The following PRKG1 variants were observed in gnomAD, a reference collection of about 807,000 sequenced individuals.
The protein encoded by PRKG1 is cGMP-dependent protein kinase 1.
PRKG1 carries 35 observed loss-of-function variants against 88.1 expected under a neutral mutation model. That is an observed-to-expected ratio of 0.40 (90% CI 0.30 to 0.53). The LOEUF is 0.53. PRKG1 is among the 20% of genes least tolerant of loss of function. The pLI, the probability that PRKG1 is intolerant of heterozygous loss-of-function variation, is 0.59. For missense variants in PRKG1, 540 were observed against 839.8 expected (o/e 0.64, Z 4.41); for synonymous variants, 303 against 292.5 (o/e 1.04, Z -0.37).
intron 2 of PRKG1, among the ~76,000 whole-genome samples, chr10:51,219,582 T>C (rs1589254336): frequency 6.6e-6 from 1 of 151,594 alleles, no homozygotes; most frequent in African/African-American, 2.4e-5. Context: ...TGGTGGCAGG[T>C]GCCTGTAATC....
intron 3 of PRKG1, among the ~76,000 whole-genome samples, chr10:51,732,437 G>A (rs1462393743): frequency 1.3e-5 from 2 of 152,100 alleles, no homozygotes; most frequent in African/African-American, 4.8e-5. Context: ...ATCCTTAGAA[G>A]CACTTACATC....
At chr10:51,715,957 G>T (rs952899303) in intron 3 of PRKG1, among the ~76,000 whole-genome samples, 1 of 152,198 alleles carries the variant, frequency 6.6e-6, no homozygotes, top group Non-Finnish European at 1.5e-5. Flanking sequence ...GGGATTATTA[G>T]GATGCCAAGC....
chr10:51,473,417 G>T (rs1209512205), intron 3 of PRKG1, among the ~76,000 whole-genome samples: 2 of 151,650 alleles, frequency 1.3e-5, no homozygotes, highest in Admixed American at 6.6e-5. Context: ...TAGGCTTGAG[G>T]GAAACTGTTA....
intron 9 of PRKG1, among the ~76,000 whole-genome samples, chr10:52,211,031 A>C (rs910942568): frequency 1.3e-5 from 2 of 152,184 alleles, no homozygotes; most frequent in African/African-American, 4.8e-5. Context: ...TTTACTGAAC[A>C]TGTGTCGGCT....
At chr10:51,405,997 C>T (rs1386622524) in intron 2 of PRKG1, among the ~76,000 whole-genome samples, 1 of 152,140 alleles carries the variant, frequency 6.6e-6, no homozygotes, top group Non-Finnish European at 1.5e-5. Flanking sequence ...GCTGTTTGTT[C>T]CTTTCTCTGT....
rs145999241 is a variant in PRKG1 at position 51,430,682 on chromosome 10, A to T, written c.479-37041A>T. Among the ~76,000 whole-genome samples the T allele has an allele frequency of 7.2e-4, 110 of 152,296 alleles. 4 individuals are homozygous for T. In the East Asian group the frequency reaches 0.019, roughly 27 times the overall value. ...TTATAGCAACTTCTAATAGGCAAAAACTGGAAACAATCCAGGTATCTATCA... is the reference window on the plus strand; with the variant it reads ...TTATAGCAACTTCTAATAGGCAAAATCTGGAAACAATCCAGGTATCTATCA... On this transcript the variant is annotated intron_variant, in intron 2 of 17. Transcript: ENST00000373980.
intron 2 of PRKG1, among the ~76,000 whole-genome samples, chr10:51,203,924 A>T (rs1486909562): frequency 6.6e-6 from 1 of 152,172 alleles, no homozygotes; most frequent in African/African-American, 2.4e-5. Context: ...ATATGGATGG[A>T]TGAATGAATT....
chr10:51,899,783 T>G (rs1841941450), intron 4 of PRKG1, among the ~76,000 whole-genome samples: 1 of 151,440 alleles, frequency 6.6e-6, no homozygotes, highest in Non-Finnish European at 1.5e-5. Flanking sequence ...CCTCCCAATC[T>G]CATATTGAAA....
intron 4 of PRKG1, among the ~76,000 whole-genome samples, chr10:51,902,949 T>C (rs1229643800): frequency 6.6e-6 from 1 of 152,204 alleles, no homozygotes; most frequent in East Asian, 1.9e-4. Context: ...AGACCACATT[T>C]TGAGAACTCC....
rs551278584 is a variant in PRKG1 at position 51,729,755 on chromosome 10, C to T, written c.593-74830C>T. On this transcript the variant is annotated intron_variant, in intron 3 of 17. Coordinates refer to ENST00000373980, the MANE Select transcript of PRKG1 (RefSeq NM_006258.4). ...AAAAAGGATGAGAAAAATTGAGAAG[C>T]CATAGGCCGTGGTAATTCAAACTAC... is the stretch of plus-strand genomic sequence containing the variant. 1.5e-3 allele frequency among the ~76,000 whole-genome samples: 212 copies of T among 142,714 alleles called. 1 individual carries two copies. The highest frequency in any genetic ancestry group is 5.4e-3 in the African/African-American group (205 of 37,952). 93.6% of individuals were successfully genotyped at this position (142,714 alleles called of 152,430 possible).
intron 5 of PRKG1, among the ~76,000 whole-genome samples, chr10:51,978,546 T>C (rs542231717): frequency 3.8e-4 from 58 of 152,118 alleles, no homozygotes; most frequent in Non-Finnish European, 5.9e-4. Flanking sequence ...GTAAATTGCT[T>C]TGGGCAGTGT....
In PRKG1 at chr10:51,274,883, C is replaced by T. The variant is rs527830539; in HGVS notation, c.478+121553C>T. On this transcript the variant is annotated intron_variant, in intron 2 of 17. Coordinates refer to ENST00000373980, the MANE Select transcript of PRKG1 (RefSeq NM_006258.4). The stretch of plus-strand genomic sequence containing the variant: ...CTCTATGGACAGGGGAGTACAAACA[C>T]ATGGAGGATGGATAGTTGTCTCTGC... 4.6e-5 allele frequency among the ~76,000 whole-genome samples: 7 copies of T among 152,290 alleles called. No individual in the cohort carries two copies. In the South Asian group the frequency reaches 1.4e-3, roughly 32 times the overall value.
intron 3 of PRKG1, among the ~76,000 whole-genome samples, chr10:51,689,442 T>A (rs1338954700): frequency 1.3e-5 from 2 of 152,190 alleles, no homozygotes; most frequent in Non-Finnish European, 2.9e-5. Flanking sequence ...ATGATTTACA[T>A]GATAAATATA....
chr10:51,748,952 G>C (rs960553418), intron 3 of PRKG1, among the ~76,000 whole-genome samples: 3 of 152,168 alleles, frequency 2.0e-5, no homozygotes, highest in East Asian at 3.9e-4. Context: ...GATATAGGGA[G>C]AAGAAAGGAA....
intron 2 of PRKG1, among the ~76,000 whole-genome samples, chr10:51,163,229 G>T (rs1179099740): frequency 6.6e-6 from 1 of 152,138 alleles, no homozygotes; most frequent in African/African-American, 2.4e-5. Flanking sequence ...GCTGTTCACG[G>T]TCTGTGTAGT....
At chr10:51,755,354 T>C (rs1190866092) in intron 3 of PRKG1, among the ~76,000 whole-genome samples, 1 of 152,166 alleles carries the variant, frequency 6.6e-6, no homozygotes, top group Non-Finnish European at 1.5e-5. Flanking sequence ...TTCATAACAA[T>C]GCAGAGAGGG....
At chr10:51,484,781 A>G in intron 3 of PRKG1, among the ~76,000 whole-genome samples, 1 of 152,134 alleles carries the variant, frequency 6.6e-6, no homozygotes, top group East Asian at 1.9e-4. Context: ...TTAAATCTGA[A>G]TTGTTATGCC....
chr10:51,761,112 TCAA>T (rs1172921124), intron 3 of PRKG1, among the ~76,000 whole-genome samples: 2 of 152,180 alleles, frequency 1.3e-5, no homozygotes, highest in African/African-American at 4.8e-5. Context: ...AGACTGGGTC[TCAA>T]CAACAACAAC....
intron 3 of PRKG1, among the ~76,000 whole-genome samples, chr10:51,657,460 T>C (rs1329533759): frequency 6.6e-6 from 1 of 152,112 alleles, no homozygotes; most frequent in African/African-American, 2.4e-5. Flanking sequence ...AGTGGAAGAT[T>C]ATGAAAATAA....
Sources: allele counts gnomAD v4.1 joint callset (sites outside exome capture counted in the v4.1 genomes callset), GRCh38; gene constraint gnomAD v4.1.1; transcripts MANE v1.5; gene names NCBI Gene and HGNC (gene_info 2026-07-23, HGNC 2026-07-21).